Variants in TNN observed in about 807,000 individuals in gnomAD.
TNN encodes the protein tenascin-N.
A neutral mutation model predicts 134.4 loss-of-function variants in TNN; 122 were observed. The observed-to-expected ratio is 0.91, with a 90% CI of 0.78 to 1.06. TNN has a LOEUF of 1.06. Among genes scored for constraint, TNN ranks in the 50% least tolerant of loss-of-function variants. The pLI, the probability that TNN is intolerant of heterozygous loss-of-function variation, is 0.00. For synonymous variants in TNN, 710 were observed against 670.3 expected (o/e 1.06, Z -0.91); for missense variants, 1,739 against 1,699.4 (o/e 1.02, Z -0.41).
At chr1:175,109,454 G>A (rs896298009) in intron 9 of TNN, among the ~76,000 whole-genome samples, 1 of 151,866 alleles carries the variant, frequency 6.6e-6, no homozygotes, top group Non-Finnish European at 1.5e-5. Flanking sequence ...ACACTTCCTA[G>A]CCTCTGGCAA....
chr1:175,128,769 G>A (rs765464114), intron 15 of TNN, 23 bp downstream of exon 15: 3 of 1,604,446 alleles, frequency 1.9e-6, no homozygotes, highest in Non-Finnish European at 2.6e-6. Context: ...GAACCCTGGG[G>A]AGCTCTGTGT....
chr1:175,129,494 A>C (rs1244194961), intron 15 of TNN, among the ~76,000 whole-genome samples: 1 of 151,468 alleles, frequency 6.6e-6, no homozygotes, highest in Admixed American at 6.6e-5. Context: ...GCTTGGTTAG[A>C]CTAAGGCTGA....
intron 11 of TNN, among the ~76,000 whole-genome samples, chr1:175,122,374 C>T (rs1184106479): frequency 2.6e-5 from 4 of 151,994 alleles, no homozygotes; most frequent in Admixed American, 6.6e-5. Flanking sequence ...GGTGAAAGAC[C>T]GAGACTCTGT....
chr1:175,074,484 GAAAAAAAAAAAAA>G (rs55952749), intron 1 of TNN, among the ~76,000 whole-genome samples: 3 of 119,016 alleles, frequency 2.5e-5, no homozygotes, highest in Non-Finnish European at 3.6e-5. Flanking sequence ...GATCCTGTCT[GAAAAAAAAAAAAA>G]AAAAAAAAAA....
Position 175,079,767 on chromosome 1 carries a change from C to A in TNN, c.784+60C>A, listed in dbSNP as rs1412260395. ...TCTTCTTTCCAATGCACCATTTAAC[C>A]CTCAATTACACGTTGTCATCTTTGG... On this transcript the variant is annotated intron_variant, in intron 3 of 18. Transcript: ENST00000239462. 4.0e-6 allele frequency: 6 copies of A among 1,512,636 alleles called. No homozygotes were observed. The East Asian group carries it at 1.1e-4, about 29-fold the overall frequency. The allele number at this position is 1,512,636 out of a possible 1,614,324, so 93.7% of individuals were successfully genotyped here.
chr1:175,087,849 AC>A lies in TNN; in HGVS notation c.1324+2356del, dbSNP rs531489436. 2.6e-4 allele frequency among the ~76,000 whole-genome samples: 39 copies of A among 152,202 alleles called. No individual in the cohort carries two copies. In the East Asian group the frequency reaches 7.1e-3, roughly 28 times the overall value. On this transcript the variant is annotated intron_variant, in intron 6 of 18. Transcript: ENST00000239462. ...CAGCTAGAAATTGGGGGTTCTTATG[AC>A]TCCCCTCCTTGAGTTCCATTAATTT...
intron 1 of TNN, among the ~76,000 whole-genome samples, chr1:175,069,325 A>G (rs909190465): frequency 1.3e-5 from 2 of 152,188 alleles, no homozygotes; most frequent in Non-Finnish European, 2.9e-5. Flanking sequence ...ATAGAGTATC[A>G]ATACTGGTAT....
At chr1:175,144,871 C>T (rs1676026102) in intron 18 of TNN, among the ~76,000 whole-genome samples, 1 of 152,240 alleles carries the variant, frequency 6.6e-6, no homozygotes, top group South Asian at 2.1e-4. Flanking sequence ...ACTGTCAGCT[C>T]TAGCTGCTGT....
At chr1:175,125,855 CTTTTTTCTTTTTCTTTCTTTCTTTT>C (rs1675515343) in intron 12 of TNN, among the ~76,000 whole-genome samples, 1 of 78,124 alleles carries the variant, frequency 1.3e-5, no homozygotes, top group African/African-American at 5.3e-5. Flanking sequence ...TTCTTTCTTT[CTTTTTTCTTTTTCTTTCTTTCTTTT>C]CTTTTTTTCT....
At chr1:175,140,332 G>A (rs769437360) in intron 17 of TNN, among the ~76,000 whole-genome samples, 8 of 152,186 alleles carry the variant, frequency 5.3e-5, no homozygotes, top group Non-Finnish European at 8.8e-5. Context: ...AGCTCCATGC[G>A]TGGGACCCTC....
At chr1:175,088,916 A>G (rs185131908) in intron 6 of TNN, among the ~76,000 whole-genome samples, 4 of 152,242 alleles carry the variant, frequency 2.6e-5, no homozygotes, top group African/African-American at 9.6e-5. Flanking sequence ...TGTCAGCCAG[A>G]TTTGTTTCTG....
chr1:175,104,106 G>C (rs773248751), intron 9 of TNN, among the ~76,000 whole-genome samples: 3 of 146,114 alleles, frequency 2.1e-5, no homozygotes, highest in Non-Finnish European at 4.6e-5. Flanking sequence ...TGTGAAAAGA[G>C]CAAAGTCTCC....
Position 175,080,117 on chromosome 1 carries a change from G to A in TNN, c.785-46G>A, listed in dbSNP as rs775149814. The A allele has an allele frequency of 3.1e-6, 5 of 1,602,350 alleles. No individual in the cohort carries two copies. In the South Asian group the frequency reaches 4.4e-5, roughly 14 times the overall value. On this transcript the variant is annotated intron_variant, in intron 3 of 18. Transcript: ENST00000239462. ...AGGGAATACTCACTGGGTCTGGATC[G>A]CCTCCCTTGCTCACCCTCTCTGCCC... is the stretch of plus-strand genomic sequence containing the variant.
At chr1:175,102,840 G>T (rs1184348710) in intron 9 of TNN, among the ~76,000 whole-genome samples, 1 of 146,232 alleles carries the variant, frequency 6.8e-6, no homozygotes. Context: ...GGGCTCTGAG[G>T]ACTGCCAGCA....
intron 11 of TNN, among the ~76,000 whole-genome samples, chr1:175,119,816 T>A (rs151318823): frequency 0.014 from 2,098 of 151,992 alleles, 57 homozygotes; most frequent in African/African-American, 0.048. Flanking sequence ...GTTTTTGTAT[T>A]TTTAGTAGAG....
intron 18 of TNN, 66 bp from the exon 19 acceptor site, chr1:175,146,865 C>G: frequency 1.4e-6 from 2 of 1,415,988 alleles, no homozygotes; most frequent in Non-Finnish European, 1.9e-6. Context: ...TCCTTTGTAC[C>G]ATAACCCACC....
chr1:175,118,829 T>C lies in TNN; in HGVS notation c.2650+5T>C. On this transcript the variant is annotated splice_donor_5th_base_variant and intron_variant, in intron 11 of 18. Transcript: ENST00000239462. ...CTGACACCAAGGCCCAGACAGGTAA[T>C]AGAAGTGAAGAGAAGAGCAAACCCG... 1.2e-6 allele frequency: 2 copies of C among 1,613,912 alleles called. No homozygotes were observed. Among genetic ancestry groups the C allele is most frequent in the Non-Finnish European group, 1.7e-6 (2 of 1,179,944 alleles).
At chr1:175,145,651 AC>A (rs1367090320) in intron 18 of TNN, among the ~76,000 whole-genome samples, 1 of 148,340 alleles carries the variant, frequency 6.7e-6, no homozygotes, top group Non-Finnish European at 1.5e-5. Flanking sequence ...GATCCACTTC[AC>A]CCAAAACCTT....
At chr1:175,121,161 A>T (rs549700340) in intron 11 of TNN, among the ~76,000 whole-genome samples, 1 of 152,384 alleles carries the variant, frequency 6.6e-6, no homozygotes, top group South Asian at 2.1e-4. Flanking sequence ...CAGTAGCCAC[A>T]TGTGACTAAT....
Sources: allele counts gnomAD v4.1 joint callset (sites outside exome capture counted in the v4.1 genomes callset), GRCh38; gene constraint gnomAD v4.1.1; transcripts MANE v1.5; gene names NCBI Gene and HGNC (gene_info 2026-07-23, HGNC 2026-07-21).